The following PAX5 variants were observed in gnomAD, a reference collection of about 807,000 sequenced individuals.
PAX5 encodes paired box 5.
In PAX5, 9 loss-of-function variants were observed where a neutral mutation model predicts 43.7. The ratio of observed to expected loss-of-function variants is 0.21; its 90% CI spans 0.12 to 0.36. PAX5 has a LOEUF of 0.36. PAX5 is among the 10% of genes least tolerant of loss of function. The probability of loss-of-function intolerance (pLI) is 1.00; values close to 1 mark genes in which losing one functional copy is unlikely to be tolerated. For synonymous variants in PAX5, 228 were observed against 214.3 expected (o/e 1.06, Z -0.56); for missense variants, 383 against 532.7 (o/e 0.72, Z 2.77).
intron 7 of PAX5, among the ~76,000 whole-genome samples, chr9:36,917,265 C>T (rs954655074): frequency 3.9e-5 from 6 of 152,162 alleles, no homozygotes; most frequent in African/African-American, 4.8e-5. Flanking sequence ...AGCTAAGCCA[C>T]TGAGCTGGTT....
intron 6 of PAX5, among the ~76,000 whole-genome samples, chr9:36,926,836 C>T (rs1027647205): frequency 5.9e-5 from 9 of 152,224 alleles, no homozygotes; most frequent in African/African-American, 2.2e-4. Context: ...CTTTGACCCT[C>T]ACCCACAAAC....
intron 4 of PAX5, among the ~76,000 whole-genome samples, chr9:37,003,055 G>A (rs998969045): frequency 6.6e-6 from 1 of 151,242 alleles, no homozygotes; most frequent in African/African-American, 2.4e-5. Context: ...CACGGGGACA[G>A]GAAGGGCTTT....
At chr9:36,891,725 G>C (rs187417556) in intron 7 of PAX5, among the ~76,000 whole-genome samples, 2 of 152,288 alleles carry the variant, frequency 1.3e-5, no homozygotes, top group Non-Finnish European at 2.9e-5. Flanking sequence ...TGGTGTTATT[G>C]ACTTAGGAAT....
intron 6 of PAX5, among the ~76,000 whole-genome samples, chr9:36,943,529 T>TACACACACACACACAC (rs1554668821): frequency 1.2e-4 from 18 of 145,912 alleles, no homozygotes; most frequent in African/African-American, 4.0e-4. Flanking sequence ...TAGTTCAACA[T>TACACACACACACACAC]ACACACACAC....
rs1273980272 is a variant in PAX5 at position 36,834,664 on chromosome 9, C to T, written c.*5896G>A. ...ATGTATTCATGCTTGAAAAGAAGGG[C>T]GCCATTAAATGGTTTCCTTTCTGTT... On this transcript the variant is annotated 3_prime_UTR_variant, in exon 10 of 10. Transcript: ENST00000358127. The T allele has an allele frequency of 4.3e-6, 1 of 233,076 alleles. No individual in the cohort carries two copies. The highest frequency in any genetic ancestry group is 2.2e-5 in the African/African-American group (1 of 45,304). 14.4% of individuals were successfully genotyped at this position (233,076 alleles called of 1,614,324 possible).
intron 5 of PAX5, 122 bp from the exon 6 acceptor site, chr9:36,966,846 C>T: frequency 1.2e-6 from 1 of 830,704 alleles, no homozygotes; most frequent in Non-Finnish European, 1.9e-6. Flanking sequence ...CCAGAGAATA[C>T]ACCAGCAGGG....
chr9:37,023,419 C>T (rs1254180595), intron 1 of PAX5, among the ~76,000 whole-genome samples: 1 of 152,128 alleles, frequency 6.6e-6, no homozygotes, highest in Admixed American at 6.5e-5. Context: ...GGTGAGGACT[C>T]ATCCCGTGAA....
At chr9:36,937,271 C>T (rs1831635397) in intron 6 of PAX5, among the ~76,000 whole-genome samples, 1 of 152,154 alleles carries the variant, frequency 6.6e-6, no homozygotes, top group Non-Finnish European at 1.5e-5. Context: ...GTATTACTAC[C>T]CTCCCTTTAC....
At chr9:36,863,732 C>T (rs540529673) in intron 8 of PAX5, among the ~76,000 whole-genome samples, 1 of 152,330 alleles carries the variant, frequency 6.6e-6, no homozygotes, top group East Asian at 1.9e-4. Context: ...AATGGGATAA[C>T]ATCAACAGCA....
intron 5 of PAX5, among the ~76,000 whole-genome samples, chr9:36,973,257 G>T (rs1241169571): frequency 1.3e-5 from 2 of 152,046 alleles, no homozygotes. Flanking sequence ...TTACCCCAGG[G>T]TCCAGGGCTG....
At chr9:37,008,987 A>T (rs1888018) in intron 3 of PAX5, among the ~76,000 whole-genome samples, 87,443 of 152,032 alleles carry the variant, frequency 0.58, 25,461 homozygotes, top group Middle Eastern at 0.81. Context: ...ATATTGCTGG[A>T]TATGTCAATA....
chr9:36,901,150 T>C (rs1191575784), intron 7 of PAX5, among the ~76,000 whole-genome samples: 1 of 152,096 alleles, frequency 6.6e-6, no homozygotes, highest in Non-Finnish European at 1.5e-5. Flanking sequence ...GAGATTCCCC[T>C]GGAGAGTCGA....
chr9:36,943,973 G>C (rs1046442346), intron 6 of PAX5, among the ~76,000 whole-genome samples: 1 of 152,028 alleles, frequency 6.6e-6, no homozygotes, highest in South Asian at 2.1e-4. Flanking sequence ...ATCACTGGAG[G>C]CCAGGAGTTT....
intron 8 of PAX5, 57 bp downstream of exon 8, chr9:36,881,945 TCC>T: frequency 8.0e-7 from 1 of 1,244,204 alleles, no homozygotes; most frequent in Non-Finnish European, 1.2e-6. Flanking sequence ...GGGGGGGATG[TCC>T]CCCCACCGAA....
rs1034680892 is a variant in PAX5, at chr9:36,837,009, C to T, written c.*3551G>A. 1.2e-4 allele frequency: 29 copies of T among 232,824 alleles called. No individual in the cohort carries two copies. The highest frequency in any genetic ancestry group is 2.0e-4 in the Non-Finnish European group (24 of 117,864). The allele number at this position is 232,824 out of a possible 1,614,324, so 14.4% of individuals were successfully genotyped here. A position where few individuals can be genotyped will look rare whatever the true frequency, so the allele number is the denominator to read the frequency against. On this transcript the variant is annotated 3_prime_UTR_variant, in exon 10 of 10. Coordinates refer to ENST00000358127, the MANE Select transcript of PAX5 (RefSeq NM_016734.3). ...TCAATGTTCTTAGGAAACAAAGCCGCCAACCTGCAGGCCCCTAGGTCAGGC... is the reference window on the plus strand; with the variant it reads ...TCAATGTTCTTAGGAAACAAAGCCGTCAACCTGCAGGCCCCTAGGTCAGGC...
rs145621150 is a variant in PAX5 at position 36,945,853 on chromosome 9, C to T, written c.780+20696G>A. 2.5e-3 allele frequency among the ~76,000 whole-genome samples: 384 copies of T among 152,302 alleles called. 3 individuals are homozygous for T. The highest frequency in any genetic ancestry group is 8.1e-3 in the East Asian group (42 of 5,186). On this transcript the variant is annotated intron_variant, in intron 6 of 9. Coordinates refer to ENST00000358127, the MANE Select transcript of PAX5 (RefSeq NM_016734.3). ...TTCTGTAAAATTAAAATAAAGTCTCCGCCTCACAGGGCTGTTGAGAGAATT... is the reference window on the plus strand; with the variant it reads ...TTCTGTAAAATTAAAATAAAGTCTCTGCCTCACAGGGCTGTTGAGAGAATT...
intron 7 of PAX5, among the ~76,000 whole-genome samples, chr9:36,910,383 A>G (rs1829168875): frequency 6.6e-6 from 1 of 152,254 alleles, no homozygotes; most frequent in South Asian, 2.1e-4. Context: ...CTATGAGGAT[A>G]TAAAGAGCTT....
Position 36,863,989 on chromosome 9 carries a change from G to A in PAX5, c.1013-17060C>T, listed in dbSNP as rs560726831. 1.3e-3 allele frequency among the ~76,000 whole-genome samples: 201 copies of A among 152,276 alleles called. 1 individual carries two copies. The highest frequency in any genetic ancestry group is 3.9e-3 in the African/African-American group (161 of 41,560). ...CTGGGCATGGTGGCATGTGCCTGTAGTCCCAGCTACTCGGGAGGCTGAGGT... is the reference window on the plus strand; with the variant it reads ...CTGGGCATGGTGGCATGTGCCTGTAATCCCAGCTACTCGGGAGGCTGAGGT... On this transcript the variant is annotated intron_variant, in intron 8 of 9. Transcript: ENST00000358127.
chr9:36,907,862 C>T (rs10814472), intron 7 of PAX5, among the ~76,000 whole-genome samples: 35,396 of 152,016 alleles, frequency 0.23, 4,749 homozygotes, highest in East Asian at 0.51. Context: ...ACTGAGGAGA[C>T]GTGGGGACAG....
Sources: gnomAD v4.1 joint callset for allele counts (sites outside exome capture counted in the v4.1 genomes callset) on GRCh38, gnomAD v4.1.1 for gene constraint, MANE v1.5 for transcripts, NCBI Gene and HGNC (gene_info 2026-07-23, HGNC 2026-07-21) for gene names.